The following RIT2 variants were observed in gnomAD, a reference collection of about 807,000 sequenced individuals.
RIT2 encodes Ras like without CAAX 2, also known as GTP-binding protein Rit2.
RIT2 carries 24 observed loss-of-function variants against 23.7 expected under a neutral mutation model. The ratio of observed to expected loss-of-function variants is 1.01; its 90% confidence interval spans 0.73 to 1.43. RIT2 has a LOEUF of 1.43. Among genes scored for constraint, RIT2 ranks in the 40% most tolerant of loss-of-function variants. RIT2 has a pLI of 0.00. For synonymous variants in RIT2, 107 were observed against 91.1 expected (o/e 1.17, Z -0.99); for missense variants, 236 against 266.9 (o/e 0.88, Z 0.81).
chr18:42,753,935 C>T, intron 4 of RIT2, among the ~76,000 whole-genome samples: 1 of 152,280 alleles, frequency 6.6e-6, no homozygotes, highest in East Asian at 1.9e-4. Context: ...CTTCCGGGAA[C>T]AGCAAAACAA....
chr18:43,016,615 G>A (rs150013508), intron 2 of RIT2, among the ~76,000 whole-genome samples: 16 of 151,806 alleles, frequency 1.1e-4, no homozygotes, highest in African/African-American at 2.7e-4. Flanking sequence ...AAATGACTGC[G>A]TCCAGGAAAT....
chr18:42,974,066 T>C lies in RIT2; in HGVS notation c.234+8A>G. On this transcript the variant is annotated splice_region_variant and intron_variant, in intron 3 of 4. Coordinates refer to ENST00000326695, the MANE Select transcript of RIT2 (RefSeq NM_002930.4). ...CAGAGATTGGAGAGGTTTAAGAACA[T>C]CACCTACCTGGCCAGCAGTGTCCAA... 1 of 1,603,504 alleles carries C rather than the reference T, an allele frequency of 6.2e-7. No homozygotes were observed. The highest frequency in any genetic ancestry group is 8.5e-7 in the Non-Finnish European group (1 of 1,171,760).
chr18:42,842,359 A>C (rs1385148200), intron 4 of RIT2, among the ~76,000 whole-genome samples: 16 of 152,204 alleles, frequency 1.1e-4, no homozygotes, highest in Admixed American at 1.0e-3. Flanking sequence ...AAAATGTATA[A>C]ATTACCTGGT....
chr18:42,837,476 A>T (rs532076758), intron 4 of RIT2, among the ~76,000 whole-genome samples: 309 of 150,622 alleles, frequency 2.1e-3, no homozygotes, highest in African/African-American at 6.9e-3. Flanking sequence ...CTCTTTTTTA[A>T]AAAAAAAAAT....
intron 4 of RIT2, among the ~76,000 whole-genome samples, chr18:42,860,229 C>T (rs639529): frequency 0.5 from 75,574 of 151,954 alleles, 21,076 homozygotes; most frequent in African/African-American, 0.77. Flanking sequence ...CAAAACCTGT[C>T]TCCCTCTCTG....
intron 1 of RIT2, among the ~76,000 whole-genome samples, chr18:43,040,773 A>G (rs1912109260): frequency 6.6e-6 from 1 of 152,128 alleles, no homozygotes; most frequent in Non-Finnish European, 1.5e-5. Flanking sequence ...ATTTAAAGGA[A>G]AGGTGGAAAT....
chr18:42,882,146 G>A (rs1460575032), intron 4 of RIT2, among the ~76,000 whole-genome samples: 3 of 152,042 alleles, frequency 2.0e-5, no homozygotes, highest in African/African-American at 7.2e-5. Context: ...TTTATAGCTG[G>A]GTACTAAGAT....
chr18:43,043,854 C>T (rs1912186342), intron 1 of RIT2, among the ~76,000 whole-genome samples: 1 of 151,938 alleles, frequency 6.6e-6, no homozygotes, highest in Admixed American at 6.6e-5. Context: ...TAAAAGAAAG[C>T]AGGGAGAGTG....
intron 4 of RIT2, among the ~76,000 whole-genome samples, chr18:42,750,443 A>G (rs1285569187): frequency 6.6e-6 from 1 of 151,872 alleles, no homozygotes; most frequent in Non-Finnish European, 1.5e-5. Context: ...TGAAACTGCA[A>G]TTAAACACTC....
intron 2 of RIT2, among the ~76,000 whole-genome samples, chr18:43,033,318 C>A (rs1330468553): frequency 6.6e-6 from 1 of 151,984 alleles, no homozygotes; most frequent in Non-Finnish European, 1.5e-5. Flanking sequence ...TATTTTAATA[C>A]CTTAAATGTC....
At chr18:43,048,558 G>T (rs1331323655) in intron 1 of RIT2, among the ~76,000 whole-genome samples, 1 of 152,106 alleles carries the variant, frequency 6.6e-6, no homozygotes, top group East Asian at 1.9e-4. Flanking sequence ...CCCACTATGG[G>T]GTTGTTATGA....
At chr18:42,838,522 C>T (rs888116618) in intron 4 of RIT2, among the ~76,000 whole-genome samples, 4 of 150,608 alleles carry the variant, frequency 2.7e-5, no homozygotes, top group Non-Finnish European at 4.4e-5. Context: ...TCTTCCATGG[C>T]AATTAAGGGG....
Position 43,078,810 on chromosome 18 carries a change from G to A in RIT2, c.103+36607C>T, listed in dbSNP as rs1598774232. Among the ~76,000 whole-genome samples, 3 of 152,222 alleles carry A rather than the reference G, an allele frequency of 2.0e-5. No individual in the cohort carries two copies. The South Asian group carries it at 6.2e-4, about 32-fold the overall frequency. On this transcript the variant is annotated intron_variant, in intron 1 of 4. Coordinates refer to ENST00000326695, the MANE Select transcript of RIT2 (RefSeq NM_002930.4). Reference sequence around the variant, plus strand: ...ATCTTCTTCTGAGTTGTTTCTCTCTGACTGTGGTCTTTTTATCTCAGCTGC... The same window carrying A: ...ATCTTCTTCTGAGTTGTTTCTCTCTAACTGTGGTCTTTTTATCTCAGCTGC...
intron 4 of RIT2, among the ~76,000 whole-genome samples, chr18:42,902,807 A>T (rs1908511797): frequency 6.6e-6 from 1 of 151,910 alleles, no homozygotes; most frequent in African/African-American, 2.4e-5. Flanking sequence ...TTAAAAGAAA[A>T]AAATCATAAA....
chr18:43,043,778 A>C (rs1196561074), intron 1 of RIT2, among the ~76,000 whole-genome samples: 1 of 152,150 alleles, frequency 6.6e-6, no homozygotes, highest in Non-Finnish European at 1.5e-5. Flanking sequence ...CAGCCTGGGC[A>C]ACAAGAGCGA....
intron 2 of RIT2, among the ~76,000 whole-genome samples, chr18:43,032,031 C>A (rs772505471): frequency 6.6e-6 from 1 of 151,978 alleles, no homozygotes; most frequent in Non-Finnish European, 1.5e-5. Context: ...AACCAATATT[C>A]CCATTAGAAA....
intron 4 of RIT2, among the ~76,000 whole-genome samples, chr18:42,829,958 G>C (rs985442258): frequency 1.2e-4 from 18 of 152,072 alleles, no homozygotes; most frequent in African/African-American, 4.3e-4. Flanking sequence ...AAATAAAGAG[G>C]ATTGAGGAAA....
intron 4 of RIT2, among the ~76,000 whole-genome samples, chr18:42,906,002 ATATACATATATATATATATG>A (rs1405341283): frequency 0.056 from 94 of 1,668 alleles, no homozygotes; most frequent in African/African-American, 0.2. Context: ...GTATATATAT[ATATACATATATATATATATG>A]TATATATATA....
At chr18:42,849,864 T>TG (rs909556875) in intron 4 of RIT2, among the ~76,000 whole-genome samples, 20 of 152,164 alleles carry the variant, frequency 1.3e-4, no homozygotes, top group African/African-American at 4.8e-4. Context: ...ATAAGAGCTG[T>TG]CTGACAAGGG....
Sources: allele counts gnomAD v4.1 joint callset (sites outside exome capture counted in the v4.1 genomes callset), GRCh38; gene constraint gnomAD v4.1.1; transcripts MANE v1.5; gene names NCBI Gene and HGNC (gene_info 2026-07-23, HGNC 2026-07-21).